The following NTM variants were observed in gnomAD, a reference collection of about 807,000 sequenced individuals.
NTM encodes neurotrimin, also known as IgLON family member 2.
Under a neutral mutation model 42.1 loss-of-function variants are expected in NTM, and 13 were observed. That is an observed-to-expected ratio of 0.31 (90% confidence interval 0.20 to 0.49). The LOEUF (loss-of-function observed/expected upper bound fraction) is 0.49. Ranked by LOEUF, NTM falls within the 20% of genes least tolerant of loss-of-function variation. The pLI is 0.99. For missense variants in NTM, 373 were observed against 452.8 expected, an observed-to-expected ratio of 0.82 and a Z score of 1.60; for synonymous variants, 187 against 179.2, an observed-to-expected ratio of 1.04 and a Z score of -0.35.
chr11:131,813,331 CCTA>C (rs1245047457), intron 1 of NTM, among the ~76,000 whole-genome samples: 1 of 152,066 alleles, frequency 6.6e-6, no homozygotes, highest in Non-Finnish European at 1.5e-5. Context: ...CTAGTAAGAA[CCTA>C]CTAAGTTCAA....
chr11:132,316,892 A>G (rs1591973761), intron 7 of NTM, among the ~76,000 whole-genome samples: 1 of 152,228 alleles, frequency 6.6e-6, no homozygotes, highest in African/African-American at 2.4e-5. Context: ...AGTTTCCATT[A>G]AAAGCCAACA....
intron 2 of NTM, among the ~76,000 whole-genome samples, chr11:131,952,663 C>T (rs1416961079): frequency 1.3e-5 from 2 of 152,152 alleles, no homozygotes; most frequent in Non-Finnish European, 2.9e-5. Context: ...GACAGTGTGA[C>T]TGCATTTTTT....
chr11:132,023,696 T>C (rs2074713440), intron 2 of NTM, among the ~76,000 whole-genome samples: 1 of 151,782 alleles, frequency 6.6e-6, no homozygotes, highest in African/African-American at 2.4e-5. Flanking sequence ...AGGGAAGATA[T>C]GCTTTGTTGT....
rs527447570 is a variant in NTM at position 131,882,990 on chromosome 11, C to A, written c.83-28574C>A. On this transcript the variant is annotated intron_variant, in intron 1 of 8. Coordinates refer to ENST00000683400, the MANE Select transcript of NTM (RefSeq NM_001352005.2). ...TGTGCAAAAAGCACAAGCAGTCACACTCCCCATGACATAAAGTTGATGACA... is the reference window on the plus strand; with the variant it reads ...TGTGCAAAAAGCACAAGCAGTCACAATCCCCATGACATAAAGTTGATGACA... Among the ~76,000 whole-genome samples the A allele has an allele frequency of 1.8e-3, 270 of 152,212 alleles. 1 individual carries two copies. The highest frequency in any genetic ancestry group is 5.9e-3 in the African/African-American group (246 of 41,534).
At chr11:132,080,959 G>T (rs934831701) in intron 2 of NTM, among the ~76,000 whole-genome samples, 5 of 152,154 alleles carry the variant, frequency 3.3e-5, no homozygotes, top group Non-Finnish European at 7.4e-5. Context: ...TTAGGGCAAG[G>T]TCCCATCCTC....
Position 132,002,616 on chromosome 11 carries a change from A to G in NTM, c.167+90968A>G, listed in dbSNP as rs2069569742. Among the ~76,000 whole-genome samples, 1 of 152,060 alleles carries G rather than the reference A, an allele frequency of 6.6e-6. No homozygotes were observed. Among genetic ancestry groups the G allele is most frequent in the African/African-American group, 2.4e-5 (1 of 41,396 alleles). On this transcript the variant is annotated intron_variant, in intron 2 of 8. Coordinates refer to ENST00000683400, the MANE Select transcript of NTM (RefSeq NM_001352005.2). This position sits in a 1 kb window ranked among gnomAD's most constrained non-coding sequence, Gnocchi z 4.5. ...AACTTTCTGCCTCTAGTATCCCCAA[A>G]CTTATGTTTTGTTTTTTCTTTTTCT...
At chr11:132,037,166 G>A (rs1358292797) in intron 2 of NTM, among the ~76,000 whole-genome samples, 1 of 152,076 alleles carries the variant, frequency 6.6e-6, no homozygotes, top group East Asian at 1.9e-4. Flanking sequence ...ATAGATTAAT[G>A]CTTCCTCTTG....
chr11:131,567,510 G>A (rs1336686611), intron 1 of NTM, among the ~76,000 whole-genome samples: 3 of 152,006 alleles, frequency 2.0e-5, no homozygotes, highest in Non-Finnish European at 2.9e-5. Flanking sequence ...CAAAAATCTA[G>A]AGTCTGGCCA....
At chr11:131,618,523 C>T (rs1217019629) in intron 1 of NTM, among the ~76,000 whole-genome samples, 2 of 152,074 alleles carry the variant, frequency 1.3e-5, no homozygotes, top group Non-Finnish European at 2.9e-5. Flanking sequence ...GCTTGGGGCT[C>T]CTATTTGACT....
intron 2 of NTM, among the ~76,000 whole-genome samples, chr11:131,969,207 T>C (rs1480266091): frequency 4.6e-5 from 7 of 152,202 alleles, no homozygotes; most frequent in African/African-American, 1.7e-4. Flanking sequence ...CAAGGCTCAG[T>C]AGCTTACTTT....
chr11:132,177,266 A>G (rs897389967), intron 3 of NTM, among the ~76,000 whole-genome samples: 6 of 152,210 alleles, frequency 3.9e-5, no homozygotes, highest in Admixed American at 3.3e-4. Context: ...TTCAGTACCA[A>G]ATCCTGTGGG....
intron 3 of NTM, among the ~76,000 whole-genome samples, chr11:132,182,235 C>A (rs2077688168): frequency 6.6e-6 from 1 of 151,892 alleles, no homozygotes; most frequent in African/African-American, 2.4e-5. Context: ...TTCTATCTAC[C>A]AAATATTCCT....
intron 1 of NTM, among the ~76,000 whole-genome samples, chr11:131,453,202 C>T (rs1950612172): frequency 6.6e-6 from 1 of 152,064 alleles, no homozygotes; most frequent in Admixed American, 6.6e-5. Flanking sequence ...AGGAGAATCC[C>T]TCAAATTTAT....
At chr11:131,403,715 C>T (rs1266248302) in intron 1 of NTM, among the ~76,000 whole-genome samples, 1 of 152,094 alleles carries the variant, frequency 6.6e-6, no homozygotes, top group Non-Finnish European at 1.5e-5. Flanking sequence ...TATAATCTTC[C>T]AAAAATCTCC....
Position 132,183,464 on chromosome 11 carries a change from A to G in NTM, c.401-28558A>G, listed in dbSNP as rs74796599. ...GTCATTTTTTTCTGAAGGAATTTTC[A>G]TGCCACCATAAACTCTAAATTAGCA... On this transcript the variant is annotated intron_variant, in intron 3 of 8. Coordinates refer to ENST00000683400, the MANE Select transcript of NTM (RefSeq NM_001352005.2). 6.3e-3 allele frequency among the ~76,000 whole-genome samples: 960 copies of G among 152,220 alleles called. 4 individuals carry two copies. The highest frequency in any genetic ancestry group is 0.022 in the African/African-American group (926 of 41,556).
At chr11:131,597,660 C>T (rs2137357717) in intron 1 of NTM, among the ~76,000 whole-genome samples, 1 of 152,284 alleles carries the variant, frequency 6.6e-6, no homozygotes, top group Admixed American at 6.5e-5. Flanking sequence ...CTCAGTGTCT[C>T]CACAGAAATC....
intron 2 of NTM, among the ~76,000 whole-genome samples, chr11:131,997,124 T>A (rs1483270593): frequency 6.6e-6 from 1 of 152,276 alleles, no homozygotes; most frequent in Middle Eastern, 3.4e-3. Flanking sequence ...GTTACCTCTG[T>A]TTCTTTGATA....
intron 1 of NTM, among the ~76,000 whole-genome samples, chr11:131,446,400 T>A (rs906940368): frequency 6.6e-6 from 1 of 152,188 alleles, no homozygotes; most frequent in African/African-American, 2.4e-5. Context: ...AAATTTCCCT[T>A]TTCTTTCCTT....
chr11:132,088,895 G>T (rs2060060139), intron 2 of NTM, among the ~76,000 whole-genome samples: 1 of 128,912 alleles, frequency 7.8e-6, no homozygotes, highest in Non-Finnish European at 1.6e-5. Context: ...GAAGAAAAAT[G>T]GGTCCCCTTT....
Sources: allele counts gnomAD v4.1 joint callset (sites outside exome capture counted in the v4.1 genomes callset), GRCh38; gene constraint gnomAD v4.1.1; non-coding constraint Gnocchi (gnomAD v3.1); transcripts MANE v1.5; gene names NCBI Gene and HGNC (gene_info 2026-07-23, HGNC 2026-07-21).